Variants in MPP3 observed in about 807,000 individuals in gnomAD.
MPP3 encodes MAGUK p55 subfamily member 3.
In MPP3, 48 loss-of-function variants were observed where a neutral mutation model predicts 80.7. That is an observed-to-expected ratio of 0.59 (90% confidence interval 0.47 to 0.76). The LOEUF (loss-of-function observed/expected upper bound fraction) is 0.76, where lower values mean the gene tolerates loss of function less well. MPP3 is among the 30% of genes least tolerant of loss of function. The pLI, the probability that MPP3 is intolerant of heterozygous loss-of-function variation, is 0.00. For synonymous variants in MPP3, 311 were observed against 297.6 expected, an observed-to-expected ratio of 1.04 and a Z score of -0.46; for missense variants, 620 against 763.0, an observed-to-expected ratio of 0.81 and a Z score of 2.21.
intron 2 of MPP3, chr17:43,832,186 G>C: frequency 1.9e-6 from 1 of 518,680 alleles, no homozygotes; most frequent in South Asian, 2.8e-5. Flanking sequence ...ACAAAGTCCT[G>C]AGAAATGACT....
chr17:43,829,989 C>G, intron 6 of MPP3, 38 bp downstream of exon 6: 1 of 1,601,064 alleles, frequency 6.2e-7, no homozygotes, highest in South Asian at 1.1e-5. Flanking sequence ...TCCCAGGAGA[C>G]CCAGAGGCAT....
chr17:43,822,996 C>T (rs1359366338), intron 10 of MPP3, among the ~76,000 whole-genome samples: 1 of 152,102 alleles, frequency 6.6e-6, no homozygotes, highest in Non-Finnish European at 1.5e-5. Flanking sequence ...AGAAGTAGTT[C>T]CCCAAGTTCC....
At chr17:43,804,172 G>A (rs1334380079) in intron 19 of MPP3, among the ~76,000 whole-genome samples, 1 of 152,094 alleles carries the variant, frequency 6.6e-6, no homozygotes, top group African/African-American at 2.4e-5. Context: ...TGAAATATTT[G>A]CAAAACAAAA....
chr17:43,813,250 C>T (rs1008404747), intron 16 of MPP3, among the ~76,000 whole-genome samples: 3 of 152,164 alleles, frequency 2.0e-5, no homozygotes, highest in African/African-American at 7.2e-5. Flanking sequence ...ATCCTGGCTC[C>T]ACCACTTACC....
At chr17:43,809,256 C>T (rs1252590301) in intron 18 of MPP3, among the ~76,000 whole-genome samples, 178 bp from the exon 19 acceptor site, 1 of 152,196 alleles carries the variant, frequency 6.6e-6, no homozygotes, top group African/African-American at 2.4e-5. Flanking sequence ...CTTTTCTCAT[C>T]CTTCACTTTG....
chr17:43,817,148 T>C (rs925364616), intron 12 of MPP3, among the ~76,000 whole-genome samples: 3 of 152,288 alleles, frequency 2.0e-5, no homozygotes, highest in South Asian at 2.1e-4. Context: ...TCTGGTCACC[T>C]GGCACCTGCT....
intron 19 of MPP3, among the ~76,000 whole-genome samples, chr17:43,804,754 C>G (rs1478887397): frequency 6.6e-6 from 1 of 152,150 alleles, no homozygotes; most frequent in Non-Finnish European, 1.5e-5. Flanking sequence ...AAGGACCAGG[C>G]GTGGTGCCTC....
intron 14 of MPP3, chr17:43,815,809 G>T (rs924136970): frequency 5.9e-6 from 4 of 675,106 alleles, no homozygotes; most frequent in Non-Finnish European, 1.1e-5. Flanking sequence ...TGCCTTTCCC[G>T]CCAGGGCAGT....
intron 6 of MPP3, 106 bp downstream of exon 6, chr17:43,829,921 G>A: frequency 6.5e-7 from 1 of 1,546,686 alleles, no homozygotes; most frequent in Non-Finnish European, 8.9e-7. Flanking sequence ...CTAGTGCTGA[G>A]GATCGCTCCC....
intron 19 of MPP3, among the ~76,000 whole-genome samples, chr17:43,805,456 C>A (rs1322404559): frequency 2.0e-5 from 3 of 152,008 alleles, no homozygotes; most frequent in East Asian, 3.9e-4. Flanking sequence ...AGGTATACAC[C>A]CAAGAGAAAT....
chr17:43,824,201 G>C (rs1162970221), intron 9 of MPP3, among the ~76,000 whole-genome samples, 196 bp from the exon 10 acceptor site: 3 of 152,152 alleles, frequency 2.0e-5, no homozygotes, highest in African/African-American at 7.2e-5. Context: ...GTACATTTTT[G>C]TATTTTTTAG....
chr17:43,803,747 G>A (rs1258284817), intron 19 of MPP3, among the ~76,000 whole-genome samples: 1 of 152,184 alleles, frequency 6.6e-6, no homozygotes. Context: ...TGGAGTGCCT[G>A]GGCCCCACTC....
At chr17:43,811,328 C>T (rs745817209) in intron 16 of MPP3, 123 bp from the exon 17 acceptor site, 23 of 707,224 alleles carry the variant, frequency 3.3e-5, no homozygotes, top group African/African-American at 5.3e-5. Context: ...GCACTTCCAC[C>T]TCATTGCATG....
intron 11 of MPP3, 114 bp downstream of exon 11, chr17:43,820,748 G>C: frequency 2.2e-6 from 2 of 922,594 alleles, no homozygotes; most frequent in Non-Finnish European, 3.3e-6. Context: ...TTACCTTGGG[G>C]GAACAATGCT....
At chr17:43,831,723 C>G (rs376793382) in intron 3 of MPP3, 46 bp from the exon 4 acceptor site, 2 of 1,523,496 alleles carry the variant, frequency 1.3e-6, no homozygotes, top group African/African-American at 2.8e-5. Flanking sequence ...GCAGTGGGTG[C>G]TCCCTGCCCC....
At chr17:43,806,164 TTTAA>T (rs1231248612) in intron 19 of MPP3, among the ~76,000 whole-genome samples, 2 of 152,154 alleles carry the variant, frequency 1.3e-5, no homozygotes, top group East Asian at 1.9e-4. Context: ...TATTTATTTA[TTTAA>T]TTAATTTATT....
intron 16 of MPP3, among the ~76,000 whole-genome samples, chr17:43,812,060 A>G (rs2154591228): frequency 6.6e-6 from 1 of 152,360 alleles, no homozygotes; most frequent in South Asian, 2.1e-4. Flanking sequence ...AGGAGACAGG[A>G]AGACAGACCG....
At chr17:43,832,025 C>G in intron 2 of MPP3, 82 bp from the exon 3 acceptor site, 1 of 865,078 alleles carries the variant, frequency 1.2e-6, no homozygotes, top group Non-Finnish European at 1.9e-6. Flanking sequence ...CTACTGTGTT[C>G]TCTGAGACCA....
chr17:43,812,328 C>A (rs2044901266), intron 16 of MPP3, among the ~76,000 whole-genome samples: 1 of 152,222 alleles, frequency 6.6e-6, no homozygotes, highest in Admixed American at 6.5e-5. Flanking sequence ...TCTGTGGCAT[C>A]TTAGTCCAAC....
Sources: gnomAD v4.1 joint callset for allele counts (sites outside exome capture counted in the v4.1 genomes callset) on GRCh38, gnomAD v4.1.1 for gene constraint, MANE v1.5 for transcripts, NCBI Gene and HGNC (gene_info 2026-07-23, HGNC 2026-07-21) for gene names.